KIAA1217: variants seen among roughly 807,000 people sequenced by gnomAD.
KIAA1217 encodes the protein KIAA1217.
KIAA1217 carries 88 observed loss-of-function variants against 163.9 expected under a neutral mutation model. The observed-to-expected ratio is 0.54, with a 90% CI of 0.45 to 0.64. The LOEUF (loss-of-function observed/expected upper bound fraction) is 0.64. Among genes scored for constraint, KIAA1217 ranks in the 30% least tolerant of loss-of-function variants. KIAA1217 has a pLI of 0.00. For synonymous variants in KIAA1217, 903 were observed against 923.1 expected, an observed-to-expected ratio of 0.98 and a Z score of 0.39; for missense variants, 2,372 against 2,475.0, an observed-to-expected ratio of 0.96 and a Z score of 0.88.
intron 2 of KIAA1217, among the ~76,000 whole-genome samples, chr10:24,180,139 T>C (rs968748128): frequency 1.3e-5 from 2 of 152,160 alleles, no homozygotes; most frequent in African/African-American, 4.8e-5. Flanking sequence ...TGTTTCTCTA[T>C]TGCCTTTGAC....
intron 3 of KIAA1217, among the ~76,000 whole-genome samples, chr10:24,387,098 C>CA (rs1334738708): frequency 1.3e-5 from 2 of 151,946 alleles, no homozygotes; most frequent in East Asian, 1.9e-4. Context: ...AGACACACAA[C>CA]AAAAAAAGAG....
At chr10:23,779,670 GC>G (rs1425566281) in intron 1 of KIAA1217, among the ~76,000 whole-genome samples, 1 of 152,032 alleles carries the variant, frequency 6.6e-6, no homozygotes, top group Non-Finnish European at 1.5e-5. Flanking sequence ...ATACATGCAT[GC>G]TTTCTAGGAT....
intron 1 of KIAA1217, among the ~76,000 whole-genome samples, chr10:23,752,441 G>A (rs1277807514): frequency 6.6e-6 from 1 of 152,024 alleles, no homozygotes; most frequent in Admixed American, 6.5e-5. Flanking sequence ...ATGTGTGGGG[G>A]GAAATGTACT....
rs1171498454 is a variant in KIAA1217, at chr10:24,473,932, C to G, written c.1551C>G (p.Thr517=). ...SRQAFKKEPG[T]LVYIEKPRSA... ...AGGCCTTTAAAAAGGAGCCAGGCAC[C>G]TTGGTGTATATAGAAAAGCCACGGA... Residue 517 remains threonine (T), a synonymous_variant, in exon 6 of 21, where the codon ACC becomes ACG. Coordinates refer to ENST00000376454, the MANE Select transcript of KIAA1217 (RefSeq NM_019590.5). 2.6e-5 allele frequency: 42 copies of G among 1,614,042 alleles called. No individual in the cohort carries two copies. The highest frequency in any genetic ancestry group is 3.3e-5 in the Non-Finnish European group (39 of 1,180,032).
At chr10:23,909,605 C>T (rs1842342833) in intron 1 of KIAA1217, among the ~76,000 whole-genome samples, 1 of 152,032 alleles carries the variant, frequency 6.6e-6, no homozygotes, top group African/African-American at 2.4e-5. Context: ...CATCCATGTC[C>T]CTGCAAAGGA....
At chr10:23,905,347 C>T (rs902809869) in intron 1 of KIAA1217, among the ~76,000 whole-genome samples, 12 of 151,918 alleles carry the variant, frequency 7.9e-5, no homozygotes, top group Non-Finnish European at 1.3e-4. Flanking sequence ...TTTGTGTACC[C>T]GGTGGCATGT....
chr10:24,410,876 C>T (rs1564632709), intron 3 of KIAA1217, among the ~76,000 whole-genome samples: 2 of 152,156 alleles, frequency 1.3e-5, no homozygotes, highest in African/African-American at 4.8e-5. Flanking sequence ...CTTTTTCCCC[C>T]CAAAGTACCT....
intron 1 of KIAA1217, among the ~76,000 whole-genome samples, chr10:23,941,467 T>A (rs34419071): frequency 6.6e-6 from 1 of 152,054 alleles, no homozygotes; most frequent in South Asian, 2.1e-4. Context: ...TGAATCGGAC[T>A]AACATTTATT....
chr10:23,742,205 T>C (rs142092179), intron 1 of KIAA1217, among the ~76,000 whole-genome samples: 1,995 of 152,096 alleles, frequency 0.013, 38 homozygotes, highest in African/African-American at 0.042. Context: ...GCATGCAAGA[T>C]TTTTGCCTGA....
intron 2 of KIAA1217, chr10:24,042,469 C>T (rs558975792): frequency 3.9e-5 from 6 of 152,278 alleles, no homozygotes; most frequent in Admixed American, 2.6e-4. Flanking sequence ...GCAACTCCTG[C>T]ACAGCGGAAA....
intron 6 of KIAA1217, among the ~76,000 whole-genome samples, chr10:24,478,485 C>A (rs1175216762): frequency 1.3e-5 from 2 of 152,120 alleles, no homozygotes; most frequent in Admixed American, 6.6e-5. Context: ...GGGTCTCCTA[C>A]CAGGGACTTT....
upstream of KIAA1217, among the ~76,000 whole-genome samples, chr10:24,207,282 T>TCTCACACACACA (rs529791287): frequency 1.0e-2 from 1,400 of 140,194 alleles, 27 homozygotes; most frequent in African/African-American, 0.038. Flanking sequence ...TCTCTCTCTC[T>TCTCACACACACA]CACACACACA....
At chr10:24,093,079 G>A (rs149834717) in intron 2 of KIAA1217, among the ~76,000 whole-genome samples, 62 of 151,560 alleles carry the variant, frequency 4.1e-4, no homozygotes, top group African/African-American at 1.2e-3. Flanking sequence ...CTGCAGCTTC[G>A]ACTTCCCAGG....
chr10:23,934,623 A>ATTTTTT (rs1475453455), intron 1 of KIAA1217, among the ~76,000 whole-genome samples: 33 of 61,406 alleles, frequency 5.4e-4, no homozygotes, highest in South Asian at 1.5e-3. Context: ...ATATATATAT[A>ATTTTTT]TATTTTTTTT....
At chr10:23,825,784 T>C (rs1837869056) in intron 1 of KIAA1217, among the ~76,000 whole-genome samples, 1 of 152,188 alleles carries the variant, frequency 6.6e-6, no homozygotes, top group African/African-American at 2.4e-5. Context: ...ACGTGGATTT[T>C]TGAGTCATGC....
intron 1 of KIAA1217, among the ~76,000 whole-genome samples, chr10:23,994,745 G>A (rs1846389720): frequency 6.6e-6 from 1 of 152,164 alleles, no homozygotes; most frequent in South Asian, 2.1e-4. Context: ...CCTTGAACCG[G>A]AGCTTCATTA....
intron 1 of KIAA1217, among the ~76,000 whole-genome samples, chr10:23,722,865 T>G (rs1837942556): frequency 6.6e-6 from 1 of 152,162 alleles, no homozygotes; most frequent in Non-Finnish European, 1.5e-5. Context: ...GTTCTCACAT[T>G]CCAGTTCCTA....
In KIAA1217 at chr10:23,947,836, T is replaced by C. The variant is rs148725197; in HGVS notation, c.-320-59389T>C. Among the ~76,000 whole-genome samples the C allele has an allele frequency of 3.0e-4, 46 of 152,146 alleles. No individual in the cohort carries two copies. In the East Asian group the frequency reaches 8.7e-3, roughly 29 times the overall value. Reference sequence around the variant, plus strand: ...TATAGGACATCATAAATGGTGACAATTAGAACAATTATAAAGAAACATCTA... The same window carrying C: ...TATAGGACATCATAAATGGTGACAACTAGAACAATTATAAAGAAACATCTA... On this transcript the variant is annotated intron_variant, in intron 1 of 18. Transcript: ENST00000376462.
chr10:23,805,120 A>G (rs1836671062), intron 1 of KIAA1217, among the ~76,000 whole-genome samples: 1 of 152,176 alleles, frequency 6.6e-6, no homozygotes, highest in South Asian at 2.1e-4. Context: ...GAGGTGAAAT[A>G]CTAAAGACAG....
Sources: gnomAD v4.1 joint callset for allele counts (sites outside exome capture counted in the v4.1 genomes callset) on GRCh38, gnomAD v4.1.1 for gene constraint, MANE v1.5 for transcripts, NCBI Gene and HGNC (gene_info 2026-07-23, HGNC 2026-07-21) for gene names.